TNS1: variants seen among roughly 807,000 people sequenced by gnomAD.
The protein encoded by TNS1 is tensin-1.
Under a neutral mutation model 168.6 loss-of-function variants are expected in TNS1, and 62 were observed. That is an observed-to-expected ratio of 0.37 (90% CI 0.30 to 0.45). The LOEUF (loss-of-function observed/expected upper bound fraction) is 0.45. Among genes scored for constraint, TNS1 ranks in the 20% least tolerant of loss-of-function variants. TNS1 has a pLI of 1.00. For synonymous variants in TNS1, 934 were observed against 933.2 expected (o/e 1.00, Z -0.02); for missense variants, 2,240 against 2,339.4 (o/e 0.96, Z 0.88).
chr2:217,961,534 A>T (rs1424291464), intron 3 of TNS1, among the ~76,000 whole-genome samples: 2 of 152,084 alleles, frequency 1.3e-5, no homozygotes. Context: ...AAATCCTCTG[A>T]TCCCCTACAT....
At chr2:218,016,481 C>T (rs901085619) in intron 1 of TNS1, among the ~76,000 whole-genome samples, 1 of 152,188 alleles carries the variant, frequency 6.6e-6, no homozygotes, top group Non-Finnish European at 1.5e-5. Flanking sequence ...TCACTGGGCT[C>T]CTCCCCAGGG....
Position 217,812,412 on chromosome 2 carries a change from A to G in TNS1, c.4988T>C (p.Ile1663Thr), listed in dbSNP as rs750220902. The change falls in exon 28 of 33, where the codon ATC (isoleucine) becomes ACC (threonine). Residue 1663 changes from isoleucine (I) to threonine (T), a missense_variant. This residue lies in a region of TNS1 where 2,131 missense variants were observed against 2,171.2 expected (regional missense o/e 0.98). Transcript: ENST00000682258. ...SLSALVYQHS[I>T]IPLALPCKLV... is the part of the protein sequence containing the mutation. ...CTTGCAAGGCAGGGCCAATGGGATGATGGAGTGCTGGTAGACCAGGGCAGA... is the reference window on the plus strand; with the variant it reads ...CTTGCAAGGCAGGGCCAATGGGATGGTGGAGTGCTGGTAGACCAGGGCAGA... 1 of 1,614,138 alleles carries G rather than the reference A, an allele frequency of 6.2e-7. No homozygotes were observed. Among genetic ancestry groups the G allele is most frequent in the Non-Finnish European group, 8.5e-7 (1 of 1,180,026 alleles).
In TNS1 at chr2:217,848,015, G is replaced by C. The variant is rs936651143; in HGVS notation, c.2502C>G (p.Ile834Met). 3 of 1,518,998 alleles carry C rather than the reference G, an allele frequency of 2.0e-6. No individual in the cohort carries two copies. Among genetic ancestry groups the C allele is most frequent in the African/African-American group, 1.4e-5 (1 of 72,140 alleles). The allele number at this position is 1,518,998 out of a possible 1,614,324, so 94.1% of individuals were successfully genotyped here. A position where few individuals can be genotyped will look rare whatever the true frequency, so the allele number is the denominator to read the frequency against. ...AASQQEIEQSIETLNMLMLDL... is the reference protein window; with the variant it reads ...AASQQEIEQSMETLNMLMLDL... ...CCAGCATCAGCATATTGAGTGTTTC[G>C]ATGGACTGTTCAATCTCCTGCTGGG... is the stretch of plus-strand genomic sequence containing the variant. The change falls in exon 19 of 33, where the codon ATC (isoleucine) becomes ATG (methionine). Residue 834 changes from isoleucine (I) to methionine (M), a missense_variant. Physicochemically the swap from Ile to Met is conservative, Grantham distance 10. This residue lies in a region of TNS1 where 2,131 missense variants were observed against 2,171.2 expected (regional missense o/e 0.98). Coordinates refer to ENST00000682258, the MANE Select transcript of TNS1 (RefSeq NM_001387777.1).
intron 10 of TNS1, 59 bp from the exon 11 acceptor site, chr2:217,893,071 G>A (rs937172612): frequency 6.3e-7 from 1 of 1,599,222 alleles, no homozygotes; most frequent in Admixed American, 1.7e-5. Context: ...CTGCCCCAGA[G>A]CTTATCTAGA....
chr2:217,959,074 G>A (rs571823501), intron 3 of TNS1, among the ~76,000 whole-genome samples: 24 of 152,294 alleles, frequency 1.6e-4, no homozygotes, highest in South Asian at 8.3e-4. Context: ...TGCACTGTGC[G>A]GGGAGGGGGC....
chr2:217,891,437 C>A (rs1290646520), intron 11 of TNS1, among the ~76,000 whole-genome samples: 1 of 152,178 alleles, frequency 6.6e-6, no homozygotes, highest in Non-Finnish European at 1.5e-5. Flanking sequence ...GAGGGAATAT[C>A]CATAAAGAGC....
chr2:217,903,735 C>T, intron 6 of TNS1: 1 of 806,884 alleles, frequency 1.2e-6, no homozygotes, highest in Middle Eastern at 2.2e-4. Context: ...CTTCCTGCTG[C>T]AGATTCAGCC....
chr2:217,906,938 C>T (rs950879122), intron 5 of TNS1, among the ~76,000 whole-genome samples: 2 of 152,182 alleles, frequency 1.3e-5, no homozygotes, highest in Admixed American at 6.5e-5. Context: ...ATTTAACCAC[C>T]GGCTGCTCCC....
At chr2:217,915,602 C>T (rs972684786) in intron 4 of TNS1, among the ~76,000 whole-genome samples, 2 of 152,186 alleles carry the variant, frequency 1.3e-5, no homozygotes, top group Non-Finnish European at 2.9e-5. Flanking sequence ...TCCCTCAAAT[C>T]CCAAGCCTAC....
chr2:217,879,333 TC>T, intron 18 of TNS1: 1 of 387,318 alleles, frequency 2.6e-6, no homozygotes, highest in Non-Finnish European at 5.1e-6. Context: ...AATGCAAACA[TC>T]CCCAGCACAA....
intron 1 of TNS1, among the ~76,000 whole-genome samples, chr2:218,029,412 C>T (rs899171456): frequency 4.5e-4 from 69 of 152,330 alleles, no homozygotes; most frequent in African/African-American, 1.6e-3. Flanking sequence ...GACACATATA[C>T]CAAACAGAAA....
At position 217,893,424 on chromosome 2, in the gene TNS1, A is replaced by ACG; in HGVS notation, c.717+14_717+15insCG. The ACG allele has an allele frequency of 6.3e-7, 1 of 1,592,784 alleles. No homozygotes were observed. Among genetic ancestry groups the ACG allele is most frequent in the Non-Finnish European group, 8.6e-7 (1 of 1,165,860 alleles). On this transcript the variant is annotated intron_variant, in intron 10 of 32. Coordinates refer to ENST00000682258, the MANE Select transcript of TNS1 (RefSeq NM_001387777.1). ...CGCACACACACACACACACACACAC[A>ACG]CACACAGCTCTGACCTTGTTGTGTA...
chr2:218,025,452 C>G (rs189823487), intron 1 of TNS1, among the ~76,000 whole-genome samples: 99 of 152,126 alleles, frequency 6.5e-4, no homozygotes, highest in Admixed American at 1.2e-3. Flanking sequence ...GTTTTACCAT[C>G]CTGGCCAGGC....
chr2:217,894,673 A>C (rs1340828500), intron 9 of TNS1, among the ~76,000 whole-genome samples: 1 of 151,996 alleles, frequency 6.6e-6, no homozygotes, highest in African/African-American at 2.4e-5. Flanking sequence ...ACAAACAAAC[A>C]AACAAAAAAA....
chr2:218,025,058 C>A (rs1044756216), intron 1 of TNS1, among the ~76,000 whole-genome samples: 1 of 152,150 alleles, frequency 6.6e-6, no homozygotes, highest in Non-Finnish European at 1.5e-5. Flanking sequence ...AGCCTGGGGC[C>A]CAGCTTGCTG....
Position 217,880,077 on chromosome 2 carries a change from C to G in TNS1, c.1429+821G>C, listed in dbSNP as rs547150272. Among the ~76,000 whole-genome samples the G allele has an allele frequency of 6.6e-5, 10 of 152,326 alleles. No homozygotes were observed. The South Asian group carries it at 2.1e-3, about 32-fold the overall frequency. ...CTCCAACATTCTGCAGTCCTACGAC[C>G]AACTCAAGAAAAGAAGCTTGTGGCC... On this transcript the variant is annotated intron_variant, in intron 18 of 32. Transcript: ENST00000682258. This position sits in a 1 kb window ranked among gnomAD's most constrained non-coding sequence, Gnocchi z 4.2.
At chr2:217,926,178 C>T (rs893842033) in intron 3 of TNS1, among the ~76,000 whole-genome samples, 1 of 152,192 alleles carries the variant, frequency 6.6e-6, no homozygotes, top group African/African-American at 2.4e-5. Flanking sequence ...GAGAAACCAA[C>T]ACTGCTCATA....
chr2:217,909,129 C>A (rs58839628), intron 4 of TNS1, among the ~76,000 whole-genome samples: 9,038 of 150,366 alleles, frequency 0.06, 603 homozygotes, highest in African/African-American at 0.17. Context: ...TGTCGCCCAC[C>A]CCAGGCCCTC....
chr2:217,812,672 T>G (rs141190991), intron 27 of TNS1, among the ~76,000 whole-genome samples: 72 of 152,328 alleles, frequency 4.7e-4, no homozygotes, highest in African/African-American at 1.7e-3. Flanking sequence ...AACTTTCCTT[T>G]GCAGAAAGTT....
Sources: gnomAD v4.1 joint callset for allele counts (sites outside exome capture counted in the v4.1 genomes callset) on GRCh38, gnomAD v4.1.1 for gene constraint, gnomAD v4.1.1 regional missense constraint, Gnocchi (gnomAD v3.1) non-coding constraint, MANE v1.5 for transcripts, NCBI Gene and HGNC (gene_info 2026-07-23, HGNC 2026-07-21) for gene names.